Variants in KANSL2 observed in about 807,000 individuals in gnomAD.
KANSL2 encodes the protein KAT8 regulatory NSL complex subunit 2, also known as NSL complex protein NSL2.
Under a neutral mutation model 55.6 loss-of-function variants are expected in KANSL2, and 34 were observed. The ratio of observed to expected loss-of-function variants is 0.61; its 90% CI spans 0.46 to 0.81. The LOEUF (loss-of-function observed/expected upper bound fraction) is 0.81, where lower values mean the gene tolerates loss of function less well. Ranked by LOEUF, KANSL2 falls within the 40% of genes least tolerant of loss-of-function variation. KANSL2 has a pLI of 0.00. For synonymous variants in KANSL2, 209 were observed against 214.3 expected, an observed-to-expected ratio of 0.98 and a Z score of 0.22; for missense variants, 502 against 609.9, an observed-to-expected ratio of 0.82 and a Z score of 1.86.
intron 7 of KANSL2, among the ~76,000 whole-genome samples, chr12:48,664,576 CCTT>C (rs1222246009): frequency 0.011 from 1,218 of 108,572 alleles, 17 homozygotes; most frequent in Non-Finnish European, 0.016. Flanking sequence ...CCGCACCTGG[CCTT>C]TTTTTTTTTT....
At chr12:48,654,365 T>A (rs758880402) in intron 9 of KANSL2, 190 bp from the exon 10 acceptor site, 2 of 796,806 alleles carry the variant, frequency 2.5e-6, no homozygotes, top group East Asian at 4.9e-5. Flanking sequence ...CCTCTTCCAA[T>A]GGGATGGTGA....
chr12:48,677,721 G>C (rs1048050641), intron 4 of KANSL2, among the ~76,000 whole-genome samples: 11 of 136,712 alleles, frequency 8.0e-5, no homozygotes, highest in African/African-American at 2.9e-4. Context: ...GGAGGCGGAG[G>C]TTGCAGTGAA....
chr12:48,667,630 A>C, intron 7 of KANSL2, 63 bp downstream of exon 7: 2 of 1,272,930 alleles, frequency 1.6e-6, no homozygotes, highest in Non-Finnish European at 2.3e-6. Flanking sequence ...AAACTAGCAC[A>C]GAGATTCCCA....
chr12:48,657,513 T>C (rs1274253490), intron 8 of KANSL2, among the ~76,000 whole-genome samples: 1 of 152,130 alleles, frequency 6.6e-6, no homozygotes, highest in Non-Finnish European at 1.5e-5. Flanking sequence ...TTCAGGTGAG[T>C]TGGAAACTTC....
Position 48,669,182 on chromosome 12 carries a change from C to T in KANSL2, c.800G>A (p.Arg267His), listed in dbSNP as rs575990639. ...RLKCLRRYRQRYGVEALLHRQ... is the reference protein window; with the variant it reads ...RLKCLRRYRQHYGVEALLHRQ... ...ATGCAGTAAGGCTTCCACTCCATAG[C>T]GCTGGCGGTATCGTCGCAGACATTT... The change falls in exon 6 of 10, where the codon CGC (arginine) becomes CAC (histidine). Residue 267 changes from arginine to histidine, a missense_variant. By Grantham distance (29) the Arg-to-His change is conservative. Transcript: ENST00000420613. 3.2e-6 allele frequency: 5 copies of T among 1,553,870 alleles called. No individual in the cohort carries two copies. Among genetic ancestry groups the T allele is most frequent in the East Asian group, 2.4e-5 (1 of 41,242 alleles).
chr12:48,679,677 G>C lies in KANSL2; in HGVS notation c.408C>G (p.Arg136=). The C allele has an allele frequency of 6.2e-7, 1 of 1,613,636 alleles. No homozygotes were observed. The highest frequency in any genetic ancestry group is 8.5e-7 in the Non-Finnish European group (1 of 1,179,796). Residue 136 remains arginine, a synonymous_variant, in exon 3 of 10, where the codon CGC becomes CGG. Transcript: ENST00000420613. ...TACCTAGTATTCGGCTGGCTTCACT[G>C]CGACTACTTTCTGGAGTCTGAGACC... is the stretch of plus-strand genomic sequence containing the variant. The part of the protein sequence containing the change: ...ELGSQTPESS[R]SEASRILDED...
At chr12:48,679,323 C>A in intron 3 of KANSL2, 173 bp from the exon 4 acceptor site, 1 of 675,482 alleles carries the variant, frequency 1.5e-6, no homozygotes, top group Non-Finnish European at 2.6e-6. Flanking sequence ...AAATACAACC[C>A]AAGTAAGATT....
At chr12:48,669,612 G>A (rs570331635) in intron 5 of KANSL2, among the ~76,000 whole-genome samples, 25 of 151,918 alleles carry the variant, frequency 1.6e-4, no homozygotes, top group African/African-American at 4.8e-4. Flanking sequence ...CCGCCCCCCA[G>A]GTTCACGCCA....
At chr12:48,669,900 T>C (rs1247442704) in intron 5 of KANSL2, among the ~76,000 whole-genome samples, 1 of 152,044 alleles carries the variant, frequency 6.6e-6, no homozygotes, top group Non-Finnish European at 1.5e-5. Context: ...CACTGCCAGT[T>C]ATATACAAGT....
At chr12:48,657,339 TG>T (rs1400976126) in intron 8 of KANSL2, among the ~76,000 whole-genome samples, 1 of 152,012 alleles carries the variant, frequency 6.6e-6, no homozygotes, top group Non-Finnish European at 1.5e-5. Flanking sequence ...GCAGGAGAAT[TG>T]CTTGAACCCA....
rs779396749 is a variant in KANSL2, at chr12:48,667,708, T to G, written c.958A>C (p.Arg320=). The change falls in exon 7 of 10, where the codon AGA becomes CGA. Residue 320 remains arginine (R), a synonymous_variant. Coordinates refer to ENST00000420613, the MANE Select transcript of KANSL2 (RefSeq NM_017822.4). The part of the protein sequence containing the change: ...RCSNQSLPMT[R]HCLTHICQDT... ...AAAAAGATACGGGTAAGGCAGTGTC[T>G]GGTCATTGGAAGAGACTGATTGGAA... 6.2e-7 allele frequency: 1 copy of G among 1,613,230 alleles called. No homozygotes were observed. The highest frequency in any genetic ancestry group is 1.7e-5 in the Admixed American group (1 of 60,024).
intron 7 of KANSL2, among the ~76,000 whole-genome samples, chr12:48,666,671 C>T (rs887188251): frequency 1.3e-5 from 2 of 149,322 alleles, no homozygotes; most frequent in African/African-American, 2.5e-5. Context: ...CCAGCCTGGG[C>T]GACACAGCGA....
chr12:48,680,218 C>A (rs1939896162), intron 2 of KANSL2, among the ~76,000 whole-genome samples: 1 of 152,098 alleles, frequency 6.6e-6, no homozygotes, highest in African/African-American at 2.4e-5. Flanking sequence ...ACCACTGTGC[C>A]CAGCAAATTT....
intron 4 of KANSL2, among the ~76,000 whole-genome samples, chr12:48,676,846 A>C (rs1939830862): frequency 6.6e-6 from 1 of 152,192 alleles, no homozygotes; most frequent in South Asian, 2.1e-4. Context: ...CATCATAAAC[A>C]ATATAAAATT....
rs558667729 is a variant in KANSL2 at position 48,672,605 on chromosome 12, A to G, written c.546-643T>C. ...ACCACCCCACTTGGTTAATTTTTGTATTTTTTGTAGAGATGGGATTTCACC... is the reference window on the plus strand; with the variant it reads ...ACCACCCCACTTGGTTAATTTTTGTGTTTTTTGTAGAGATGGGATTTCACC... On this transcript the variant is annotated intron_variant, in intron 4 of 9. Transcript: ENST00000420613. Among the ~76,000 whole-genome samples the G allele has an allele frequency of 5.3e-5, 8 of 150,910 alleles. No individual in the cohort carries two copies. The East Asian group carries it at 1.4e-3, about 26-fold the overall frequency.
chr12:48,669,760 T>C (rs952333109), intron 5 of KANSL2, among the ~76,000 whole-genome samples: 2 of 151,980 alleles, frequency 1.3e-5, no homozygotes, highest in African/African-American at 4.8e-5. Context: ...CCGCCTGCCT[T>C]GGCCTCCCAA....
At chr12:48,655,954 G>T (rs562020868) in intron 8 of KANSL2, among the ~76,000 whole-genome samples, 1 of 152,094 alleles carries the variant, frequency 6.6e-6, no homozygotes, top group Non-Finnish European at 1.5e-5. Flanking sequence ...ATTTTGTTAT[G>T]TATGTTTTAC....
At chr12:48,669,324 C>A in intron 5 of KANSL2, 52 bp from the exon 6 acceptor site, 1 of 1,399,308 alleles carries the variant, frequency 7.1e-7, no homozygotes, top group Non-Finnish European at 9.5e-7. Context: ...ATCAAGGTTA[C>A]GTCTCCAAGT....
At position 48,669,037 on chromosome 12, in the gene KANSL2, C is replaced by A. The variant is rs915257350; in HGVS notation, c.876+69G>T. Reference sequence around the variant, plus strand: ...CCAGCCCGAGTGACAGTGCGAGACTCCGTCTCGAAAAAATAAAAACAATAA... The same window carrying A: ...CCAGCCCGAGTGACAGTGCGAGACTACGTCTCGAAAAAATAAAAACAATAA... On this transcript the variant is annotated intron_variant, in intron 6 of 9. Transcript: ENST00000420613. 4 of 1,254,266 alleles carry A rather than the reference C, an allele frequency of 3.2e-6. No homozygotes were observed. The African/African-American group carries it at 4.6e-5, about 15-fold the overall frequency. The allele number at this position is 1,254,266 out of a possible 1,614,324, so 77.7% of individuals were successfully genotyped here. A position where few individuals can be genotyped will look rare whatever the true frequency, so the allele number is the denominator to read the frequency against.
Sources: allele counts gnomAD v4.1 joint callset (sites outside exome capture counted in the v4.1 genomes callset), GRCh38; gene constraint gnomAD v4.1.1; transcripts MANE v1.5; gene names NCBI Gene and HGNC (gene_info 2026-07-23, HGNC 2026-07-21).